The following TEAD1 variants were observed in gnomAD, a reference collection of about 807,000 sequenced individuals.
TEAD1 encodes the protein transcriptional enhancer factor TEF-1.
In TEAD1, 9 loss-of-function variants were observed where a neutral mutation model predicts 54.9. The observed-to-expected ratio is 0.16, with a 90% CI of 0.10 to 0.29. The LOEUF (loss-of-function observed/expected upper bound fraction) is 0.29, where lower values mean the gene tolerates loss of function less well. Ranked by LOEUF, TEAD1 falls within the 10% of genes least tolerant of loss-of-function variation. TEAD1 has a pLI of 1.00. For missense variants in TEAD1, 387 were observed against 535.9 expected, an observed-to-expected ratio of 0.72 and a Z score of 2.74; for synonymous variants, 200 against 187.8, an observed-to-expected ratio of 1.07 and a Z score of -0.53.
At chr11:12,916,914 G>A (rs1948723761) in intron 10 of TEAD1, among the ~76,000 whole-genome samples, 1 of 152,216 alleles carries the variant, frequency 6.6e-6, no homozygotes, top group African/African-American at 2.4e-5. Flanking sequence ...CTGCAGAATT[G>A]TGTTACAGAA....
At chr11:12,897,200 G>A (rs943098601) in intron 9 of TEAD1, among the ~76,000 whole-genome samples, 1 of 151,570 alleles carries the variant, frequency 6.6e-6, no homozygotes, top group Non-Finnish European at 1.5e-5. Context: ...CCCTTTTTTT[G>A]TTTTATGTGC....
chr11:12,879,847 G>T lies in TEAD1; in HGVS notation c.465+5G>T. The T allele has an allele frequency of 6.2e-7, 1 of 1,613,054 alleles. No homozygotes were observed. Among genetic ancestry groups the T allele is most frequent in the Non-Finnish European group, 8.5e-7 (1 of 1,180,046 alleles). Reference sequence around the variant, plus strand: ...ACCTTCCCAGGGGCGCCGGGGGTAAGTCATGAGCTCAGTCCAGTAATGACA... The same window carrying T: ...ACCTTCCCAGGGGCGCCGGGGGTAATTCATGAGCTCAGTCCAGTAATGACA... On this transcript the variant is annotated splice_donor_5th_base_variant and intron_variant, in intron 6 of 12. Coordinates refer to ENST00000527636, the MANE Select transcript of TEAD1 (RefSeq NM_021961.6).
intron 12 of TEAD1, among the ~76,000 whole-genome samples, chr11:12,932,495 A>G (rs1949028567): frequency 6.6e-6 from 1 of 152,122 alleles, no homozygotes; most frequent in Non-Finnish European, 1.5e-5. Flanking sequence ...TCAGTCCGTA[A>G]AACTCTACCT....
Position 12,915,712 on chromosome 11 carries a change from C to G in TEAD1, c.874-9200C>G, listed in dbSNP as rs146280820. On this transcript the variant is annotated intron_variant, in intron 10 of 12. Transcript: ENST00000527636. ...AAAAATACAAAAATTAGTGTGGTGGCGCACATCTGTAATCCCAGCTACTTG... is the reference window on the plus strand; with the variant it reads ...AAAAATACAAAAATTAGTGTGGTGGGGCACATCTGTAATCCCAGCTACTTG... 1.8e-3 allele frequency among the ~76,000 whole-genome samples: 278 copies of G among 152,164 alleles called. 1 individual carries two copies. The highest frequency in any genetic ancestry group is 6.4e-3 in the African/African-American group (265 of 41,520).
At chr11:12,791,090 A>T (rs1361315370) in intron 3 of TEAD1, among the ~76,000 whole-genome samples, 3 of 152,248 alleles carry the variant, frequency 2.0e-5, no homozygotes, top group Non-Finnish European at 4.4e-5. Context: ...GAATGCCCTC[A>T]TCTCCGTTAT....
chr11:12,741,035 C>G (rs750480981), intron 2 of TEAD1, among the ~76,000 whole-genome samples: 2 of 152,078 alleles, frequency 1.3e-5, no homozygotes, highest in Non-Finnish European at 2.9e-5. Flanking sequence ...AAGTATAAGA[C>G]AGAAAACTGC....
chr11:12,720,631 T>G (rs1944175492), intron 2 of TEAD1, among the ~76,000 whole-genome samples: 1 of 152,186 alleles, frequency 6.6e-6, no homozygotes, highest in Non-Finnish European at 1.5e-5. Flanking sequence ...CCAAGCCAAT[T>G]TCATTTCAAA....
chr11:12,733,492 C>T (rs1046512841), intron 2 of TEAD1, among the ~76,000 whole-genome samples: 6 of 152,154 alleles, frequency 3.9e-5, no homozygotes, highest in African/African-American at 1.2e-4. Context: ...ATTTGAACAC[C>T]TAGAGCTCTG....
intron 9 of TEAD1, among the ~76,000 whole-genome samples, chr11:12,886,773 G>C (rs1948095688): frequency 6.6e-6 from 1 of 151,962 alleles, no homozygotes; most frequent in African/African-American, 2.4e-5. Flanking sequence ...TGGGACTACA[G>C]TTATGCACTG....
chr11:12,756,568 G>A (rs182650311), intron 2 of TEAD1, among the ~76,000 whole-genome samples: 8 of 152,286 alleles, frequency 5.3e-5, no homozygotes, highest in Admixed American at 3.9e-4. Flanking sequence ...TGCCCACAGC[G>A]GTGAGTCAGG....
rs1943390483 is a variant in TEAD1, at chr11:12,688,818, A to G, written c.-55+13257A>G. Among the ~76,000 whole-genome samples the G allele has an allele frequency of 2.6e-5, 4 of 152,168 alleles. 1 individual carries two copies. In the South Asian group the frequency reaches 8.3e-4, roughly 32 times the overall value. On this transcript the variant is annotated intron_variant, in intron 2 of 12. Transcript: ENST00000527636. ...TGTCAGCCTCTCTGTTGGTTCCCCC[A>G]ACCCATTGAGAAGTCTCTTGCTTCC...
chr11:12,773,439 A>G (rs1295220318), intron 3 of TEAD1, among the ~76,000 whole-genome samples: 1 of 152,018 alleles, frequency 6.6e-6, no homozygotes, highest in East Asian at 1.9e-4. Flanking sequence ...TGGTGTCATC[A>G]CCATTGTTTA....
chr11:12,818,308 G>A (rs2133998595), intron 3 of TEAD1, among the ~76,000 whole-genome samples: 1 of 152,184 alleles, frequency 6.6e-6, no homozygotes, highest in East Asian at 1.9e-4. Context: ...ATGAAATTTG[G>A]TGTCACCAAC....
chr11:12,839,401 A>T (rs1463469667), intron 3 of TEAD1, among the ~76,000 whole-genome samples: 1 of 152,060 alleles, frequency 6.6e-6, no homozygotes, highest in East Asian at 1.9e-4. Context: ...ACAGAGTGAG[A>T]TTCTGTCTCA....
chr11:12,790,762 A>G (rs1945783598), intron 3 of TEAD1, among the ~76,000 whole-genome samples: 1 of 152,234 alleles, frequency 6.6e-6, no homozygotes, highest in Non-Finnish European at 1.5e-5. Context: ...AAGCACATGA[A>G]AAGATACTTA....
At chr11:12,778,867 G>A (rs1341915568) in intron 3 of TEAD1, among the ~76,000 whole-genome samples, 1 of 152,076 alleles carries the variant, frequency 6.6e-6, no homozygotes, top group Non-Finnish European at 1.5e-5. Context: ...TTTATCTTGA[G>A]AAACCACCTG....
chr11:12,854,550 CA>C (rs1163356038), intron 3 of TEAD1, among the ~76,000 whole-genome samples: 1 of 152,018 alleles, frequency 6.6e-6, no homozygotes, highest in Non-Finnish European at 1.5e-5. Context: ...GGAGTTCTTC[CA>C]AACAAGACAT....
intron 12 of TEAD1, among the ~76,000 whole-genome samples, chr11:12,931,244 T>C (rs975800537): frequency 1.3e-5 from 2 of 152,236 alleles, no homozygotes; most frequent in Non-Finnish European, 2.9e-5. Flanking sequence ...ACAAATTTCT[T>C]CTGGGAGCTT....
At chr11:12,853,173 A>G (rs1426001406) in intron 3 of TEAD1, among the ~76,000 whole-genome samples, 1 of 152,122 alleles carries the variant, frequency 6.6e-6, no homozygotes, top group South Asian at 2.1e-4. Flanking sequence ...GGACCTGGAA[A>G]GATTTTCCTT....
Sources: gnomAD v4.1 joint callset for allele counts (sites outside exome capture counted in the v4.1 genomes callset) on GRCh38, gnomAD v4.1.1 for gene constraint, MANE v1.5 for transcripts, NCBI Gene and HGNC (gene_info 2026-07-23, HGNC 2026-07-21) for gene names.